The following ZBTB44 variants were observed in gnomAD, a reference collection of about 807,000 sequenced individuals.
ZBTB44 encodes zinc finger and BTB domain-containing protein 44.
ZBTB44 carries 15 observed loss-of-function variants against 54.0 expected under a neutral mutation model. That is an observed-to-expected ratio of 0.28 (90% CI 0.19 to 0.43). The LOEUF is 0.43. Ranked by LOEUF, ZBTB44 falls within the 20% of genes least tolerant of loss-of-function variation. The pLI is 1.00. For synonymous variants in ZBTB44, 230 were observed against 250.1 expected, an observed-to-expected ratio of 0.92 and a Z score of 0.76; for missense variants, 487 against 707.1, an observed-to-expected ratio of 0.69 and a Z score of 3.53.
intron 1 of ZBTB44, among the ~76,000 whole-genome samples, chr11:130,276,139 T>G (rs1028049790): frequency 4.7e-5 from 7 of 147,388 alleles, no homozygotes; most frequent in African/African-American, 1.8e-4. Flanking sequence ...GGCAGGAGAA[T>G]CGCTTGAACT....
At chr11:130,233,730 T>C (rs1953983899) in intron 6 of ZBTB44, 1 of 1,169,202 alleles carries the variant, frequency 8.6e-7, no homozygotes, top group Middle Eastern at 3.7e-4. Context: ...GGAACTGGTA[T>C]ATGTTTTAAG....
At chr11:130,307,064 G>A (rs1392015054) in intron 1 of ZBTB44, among the ~76,000 whole-genome samples, 8 of 139,302 alleles carry the variant, frequency 5.7e-5, no homozygotes, top group Admixed American at 7.1e-5. Context: ...AAAAATCAAA[G>A]AACAAGCAAA....
Position 130,229,564 on chromosome 11 carries a change from T to C in ZBTB44, c.*2200A>G, listed in dbSNP as rs1953799937. 6.6e-6 allele frequency: 1 copy of C among 152,158 alleles called. No individual in the cohort carries two copies. The highest frequency in any genetic ancestry group is 2.1e-4 in the South Asian group (1 of 4,826). 9.4% of individuals were successfully genotyped at this position (152,158 alleles called of 1,614,324 possible). On this transcript the variant is annotated 3_prime_UTR_variant, in exon 8 of 8. Transcript: ENST00000357899. ...CGACAATGAAAGATAAAAATGGGTA[T>C]AGGCAAAATAAGGAACAACTTAATT...
chr11:130,242,570 T>C (rs1255672387), intron 2 of ZBTB44, among the ~76,000 whole-genome samples: 1 of 152,186 alleles, frequency 6.6e-6, no homozygotes, highest in African/African-American at 2.4e-5. Context: ...ATTTCATTTA[T>C]ATATTTTTCA....
chr11:130,264,396 A>C (rs1284446499), intron 1 of ZBTB44, among the ~76,000 whole-genome samples: 1 of 152,214 alleles, frequency 6.6e-6, no homozygotes, highest in Non-Finnish European at 1.5e-5. Context: ...CTTCAACTGC[A>C]GGCCTGTAGT....
At chr11:130,250,152 T>C (rs992020927) in intron 2 of ZBTB44, among the ~76,000 whole-genome samples, 1 of 152,126 alleles carries the variant, frequency 6.6e-6, no homozygotes, top group African/African-American at 2.4e-5. Flanking sequence ...GGCCTGGAAG[T>C]TCCAACTGGG....
chr11:130,307,769 T>C (rs550023004), intron 1 of ZBTB44, among the ~76,000 whole-genome samples: 12 of 152,306 alleles, frequency 7.9e-5, no homozygotes, highest in African/African-American at 2.4e-4. Context: ...CTTCAAACTA[T>C]ACTACAAGGC....
intron 1 of ZBTB44, among the ~76,000 whole-genome samples, chr11:130,290,060 G>C (rs1370613048): frequency 6.6e-6 from 1 of 152,160 alleles, no homozygotes; most frequent in African/African-American, 2.4e-5. Context: ...AAATATCTTG[G>C]AATGGGGAGA....
chr11:130,295,703 G>A (rs1941600110), intron 1 of ZBTB44: 2 of 1,521,106 alleles, frequency 1.3e-6, no homozygotes, highest in African/African-American at 2.7e-5. Context: ...TGGAAGGCAG[G>A]GATCTTCTAG....
chr11:130,296,580 G>T, intron 1 of ZBTB44: 1 of 925,042 alleles, frequency 1.1e-6, no homozygotes, highest in Non-Finnish European at 1.8e-6. Context: ...TATATTCATC[G>T]TGTAGGTAGA....
intron 2 of ZBTB44, among the ~76,000 whole-genome samples, chr11:130,244,588 A>G (rs1395462212): frequency 1.3e-5 from 2 of 151,440 alleles, no homozygotes; most frequent in Admixed American, 1.3e-4. Context: ...AATGGCGTGA[A>G]CATGGGAGGC....
intron 1 of ZBTB44, among the ~76,000 whole-genome samples, chr11:130,282,513 T>A (rs954019733): frequency 1.3e-5 from 2 of 152,242 alleles, no homozygotes; most frequent in African/African-American, 2.4e-5. Flanking sequence ...ATTTTGTTCA[T>A]CCATTCTACT....
At chr11:130,304,528 C>G (rs139747315) in intron 1 of ZBTB44, among the ~76,000 whole-genome samples, 20 of 152,220 alleles carry the variant, frequency 1.3e-4, no homozygotes, top group African/African-American at 4.8e-4. Context: ...AGAGGATCAT[C>G]GTACACAGAC....
At chr11:130,296,199 T>C (rs111336767) in intron 1 of ZBTB44, 59,141 of 1,304,164 alleles carry the variant, frequency 0.045, 1,607 homozygotes, top group Non-Finnish European at 0.054. Context: ...AAAGGAGCCA[T>C]TGTATGTTAG....
intron 2 of ZBTB44, among the ~76,000 whole-genome samples, chr11:130,254,417 T>TA (rs1555166816): frequency 6.6e-6 from 1 of 152,150 alleles, no homozygotes; most frequent in Non-Finnish European, 1.5e-5. Flanking sequence ...GGGAGAAGGA[T>TA]ATGAACAGAC....
chr11:130,240,629 G>C (rs12794916), intron 2 of ZBTB44, among the ~76,000 whole-genome samples: 16 of 152,126 alleles, frequency 1.1e-4, no homozygotes, highest in Non-Finnish European at 1.9e-4. Flanking sequence ...CCACACACAA[G>C]CCACACGAAA....
chr11:130,243,296 G>A (rs139712405), intron 2 of ZBTB44, among the ~76,000 whole-genome samples: 34 of 151,830 alleles, frequency 2.2e-4, no homozygotes, highest in African/African-American at 7.5e-4. Flanking sequence ...GTAATTTTTC[G>A]ACTGGTTATT....
At chr11:130,245,376 A>T (rs1306083275) in intron 2 of ZBTB44, among the ~76,000 whole-genome samples, 1 of 152,182 alleles carries the variant, frequency 6.6e-6, no homozygotes, top group Non-Finnish European at 1.5e-5. Flanking sequence ...TCCCATTCTC[A>T]GTTTTTTCCT....
In ZBTB44 at chr11:130,230,937, A is replaced by T. The variant is rs1953854767; in HGVS notation, c.*827T>A. 1 of 152,138 alleles carries T rather than the reference A, an allele frequency of 6.6e-6. No individual in the cohort carries two copies. The highest frequency in any genetic ancestry group is 2.1e-4 in the South Asian group (1 of 4,832). The allele number at this position is 152,138 out of a possible 1,614,324, so 9.4% of individuals were successfully genotyped here. On this transcript the variant is annotated 3_prime_UTR_variant, in exon 8 of 8. Transcript: ENST00000357899. ...TAAAAAACTGAAAATAAAAGCTTGT[A>T]CAAAATGCTTGGTTTTAAAAAGGCA...
Sources: gnomAD v4.1 joint callset for allele counts (sites outside exome capture counted in the v4.1 genomes callset) on GRCh38, gnomAD v4.1.1 for gene constraint, MANE v1.5 for transcripts, NCBI Gene and HGNC (gene_info 2026-07-23, HGNC 2026-07-21) for gene names.